HACL1: variants seen among roughly 807,000 people sequenced by gnomAD.
HACL1 encodes the protein 1600020H07Rik.
In HACL1, 64 loss-of-function variants were observed where a neutral mutation model predicts 74.2. That is an observed-to-expected ratio of 0.86 (90% CI 0.70 to 1.06). The LOEUF (loss-of-function observed/expected upper bound fraction) is 1.06. Ranked by LOEUF, HACL1 falls within the 50% of genes least tolerant of loss-of-function variation. The pLI is 0.00. For synonymous variants in HACL1, 230 were observed against 238.8 expected (o/e 0.96, Z 0.34); for missense variants, 728 against 719.7 (o/e 1.01, Z -0.13).
intron 14 of HACL1, among the ~76,000 whole-genome samples, chr3:15,566,374 C>A (rs1448664865): frequency 6.6e-6 from 1 of 152,154 alleles, no homozygotes; most frequent in Non-Finnish European, 1.5e-5. Context: ...TTAGCTGGGG[C>A]CAAGCATGGT....
intron 14 of HACL1, among the ~76,000 whole-genome samples, chr3:15,565,688 T>G (rs1259581501): frequency 1.3e-5 from 2 of 152,172 alleles, no homozygotes; most frequent in Non-Finnish European, 2.9e-5. Flanking sequence ...TCAAAAGGAG[T>G]CATTATCCAC....
At chr3:15,584,560 C>G (rs533825549) in intron 7 of HACL1, among the ~76,000 whole-genome samples, 1 of 152,182 alleles carries the variant, frequency 6.6e-6, no homozygotes, top group African/African-American at 2.4e-5. Flanking sequence ...TGCACTCCAG[C>G]CCGGGCAACA....
rs1350920297 is a variant in HACL1 at position 15,585,340 on chromosome 3, T to C, written c.462A>G (p.Ala154=). ...IEAIPFVIEK[A]VRSSIYGRPG... ...GACGACCATAGATACTGCTTCTCAC[T>C]GCCTACGTTCATTACAAGTAGAAGA... Residue 154 remains alanine, a splice_region_variant and synonymous_variant, in exon 7 of 17, where the codon GCA becomes GCG. Transcript: ENST00000321169. The C allele has an allele frequency of 8.4e-6, 13 of 1,549,042 alleles. No homozygotes were observed. The highest frequency in any genetic ancestry group is 1.4e-5 in the African/African-American group (1 of 73,624).
intron 12 of HACL1, among the ~76,000 whole-genome samples, chr3:15,570,427 C>T (rs2063506639): frequency 6.6e-6 from 1 of 151,416 alleles, no homozygotes; most frequent in African/African-American, 2.4e-5. Flanking sequence ...TGAATTTATT[C>T]TAAGACAATT....
chr3:15,563,693 T>C, intron 15 of HACL1, 149 bp from the exon 16 acceptor site: 1 of 603,656 alleles, frequency 1.7e-6, no homozygotes, highest in Non-Finnish European at 2.9e-6. Context: ...GCCAGTACAC[T>C]GAGTTTTTCC....
chr3:15,580,090 G>A (rs756638022), intron 8 of HACL1, 45 bp from the exon 9 acceptor site: 1 of 1,515,966 alleles, frequency 6.6e-7, no homozygotes, highest in Non-Finnish European at 9.0e-7. Flanking sequence ...TAAGCTATAG[G>A]CACTGTGACC....
chr3:15,589,648 A>G, intron 4 of HACL1, 36 bp from the exon 5 acceptor site: 1 of 1,266,506 alleles, frequency 7.9e-7, no homozygotes, highest in Non-Finnish European at 1.2e-6. Context: ...ATAATTACAA[A>G]TTAGATCATC....
intron 9 of HACL1, among the ~76,000 whole-genome samples, chr3:15,577,320 A>G (rs2063644774): frequency 6.6e-6 from 1 of 152,054 alleles, no homozygotes; most frequent in Non-Finnish European, 1.5e-5. Context: ...CCCTGTCTCT[A>G]CAAAATAAAA....
At chr3:15,600,848 C>A (rs1349678770) in intron 2 of HACL1, 2 of 582,820 alleles carry the variant, frequency 3.4e-6, no homozygotes, top group East Asian at 5.7e-5. Context: ...ACCCAGAATA[C>A]GTGGGTTCAA....
Position 15,592,457 on chromosome 3 carries a change from C to T in HACL1, c.228-777G>A, listed in dbSNP as rs56651681. 2.8e-4 allele frequency among the ~76,000 whole-genome samples: 32 copies of T among 112,392 alleles called. 2 individuals carry two copies. The South Asian group carries it at 8.0e-3, about 28-fold the overall frequency. The allele number at this position is 112,392 out of a possible 152,430, so 73.7% of individuals were successfully genotyped here. On this transcript the variant is annotated intron_variant, in intron 3 of 16. Transcript: ENST00000321169. ...GTAGACACACGTATACATACACACACGTATACATACACACACGTATACATA... is the reference window on the plus strand; with the variant it reads ...GTAGACACACGTATACATACACACATGTATACATACACACACGTATACATA...
At chr3:15,584,818 G>A (rs1424680659) in intron 7 of HACL1, among the ~76,000 whole-genome samples, 1 of 152,116 alleles carries the variant, frequency 6.6e-6, no homozygotes, top group Non-Finnish European at 1.5e-5. Context: ...ATGAGAATAT[G>A]AGAAATCATA....
At chr3:15,566,211 T>C (rs767220374) in intron 14 of HACL1, among the ~76,000 whole-genome samples, 15 of 152,168 alleles carry the variant, frequency 9.9e-5, no homozygotes, top group Admixed American at 2.0e-4. Context: ...TGGCTAAGAA[T>C]AGAATGGTTT....
intron 7 of HACL1, among the ~76,000 whole-genome samples, chr3:15,583,565 C>A (rs1431490322): frequency 6.6e-6 from 1 of 151,928 alleles, no homozygotes. Flanking sequence ...CCAGATGGCA[C>A]GTGGCAGAGA....
rs577846550 is a variant in HACL1 at position 15,572,575 on chromosome 3, A to T, written c.993+584T>A. Among the ~76,000 whole-genome samples the T allele has an allele frequency of 2.0e-5, 3 of 152,364 alleles. No homozygotes were observed. The South Asian group carries it at 6.2e-4, about 32-fold the overall frequency. On this transcript the variant is annotated intron_variant, in intron 11 of 16. Transcript: ENST00000321169. Reference sequence around the variant, plus strand: ...AGACCAAATGCTCCAGAGTGATTTAATATGTGATTCAAGATTATATCCTAT... The same window carrying T: ...AGACCAAATGCTCCAGAGTGATTTATTATGTGATTCAAGATTATATCCTAT...
In HACL1 at chr3:15,592,295, C is replaced by T. The variant is rs150235539; in HGVS notation, c.228-615G>A. On this transcript the variant is annotated intron_variant, in intron 3 of 16. Coordinates refer to ENST00000321169, the MANE Select transcript of HACL1 (RefSeq NM_012260.4). ...ACGTATACATACGTGTATATGTATA[C>T]ATACGTATATATATGTATACATATA... is the stretch of plus-strand genomic sequence containing the variant. Among the ~76,000 whole-genome samples, 214 of 129,740 alleles carry T rather than the reference C, an allele frequency of 1.6e-3. 2 individuals are homozygous for T. Among genetic ancestry groups the T allele is most frequent in the East Asian group, 0.012 (54 of 4,436 alleles). 85.1% of individuals were successfully genotyped at this position (129,740 alleles called of 152,430 possible).
At chr3:15,585,216 G>T in intron 7 of HACL1, 32 bp downstream of exon 7, 2 of 1,043,094 alleles carry the variant, frequency 1.9e-6, no homozygotes, top group South Asian at 1.3e-5. Flanking sequence ...CATGTACATT[G>T]AAGAAAGAAT....
At chr3:15,588,596 A>G (rs1490416795) in intron 5 of HACL1, among the ~76,000 whole-genome samples, 1 of 152,052 alleles carries the variant, frequency 6.6e-6, no homozygotes, top group Non-Finnish European at 1.5e-5. Context: ...CTGTCTCAAA[A>G]AAGAAAAAAA....
chr3:15,599,328 G>A (rs538665542), intron 2 of HACL1, among the ~76,000 whole-genome samples: 2 of 152,282 alleles, frequency 1.3e-5, no homozygotes, highest in Non-Finnish European at 2.9e-5. Context: ...GACAGAGGTC[G>A]TGCTATGTTG....
At chr3:15,599,510 T>TAA (rs59029536) in intron 2 of HACL1, among the ~76,000 whole-genome samples, 54 of 145,116 alleles carry the variant, frequency 3.7e-4, no homozygotes, top group African/African-American at 9.3e-4. Flanking sequence ...TGCCTACTGT[T>TAA]AAAAAAAAAA....
Sources: allele counts gnomAD v4.1 joint callset (sites outside exome capture counted in the v4.1 genomes callset), GRCh38; gene constraint gnomAD v4.1.1; transcripts MANE v1.5; gene names NCBI Gene and HGNC (gene_info 2026-07-23, HGNC 2026-07-21).